SLIT2: variants seen among roughly 807,000 people sequenced by gnomAD.
SLIT2 encodes slit homolog 2 protein.
SLIT2 carries 41 observed loss-of-function variants against 185.7 expected under a neutral mutation model. That is an observed-to-expected ratio of 0.22 (90% CI 0.17 to 0.29). SLIT2 has a LOEUF of 0.29. SLIT2 is among the 10% of genes least tolerant of loss of function. SLIT2 has a pLI of 1.00. For synonymous variants in SLIT2, 693 were observed against 680.2 expected (o/e 1.02, Z -0.29); for missense variants, 1,571 against 1,909.0 (o/e 0.82, Z 3.30).
rs184740872 is a variant in SLIT2 at position 20,358,919 on chromosome 4, A to T, written c.395+90038A>T. 3.3e-5 allele frequency among the ~76,000 whole-genome samples: 5 copies of T among 152,272 alleles called. No homozygotes were observed. The South Asian group carries it at 1.0e-3, about 32-fold the overall frequency. ...AACAACAACAACATCAACTAGATAC[A>T]AAGTTTCTGTAAAATTCGGACAATC... On this transcript the variant is annotated intron_variant, in intron 4 of 36. Transcript: ENST00000504154.
chr4:20,617,332 T>A, intron 35 of SLIT2, 107 bp from the exon 36 acceptor site: 2 of 1,362,458 alleles, frequency 1.5e-6, no homozygotes, highest in South Asian at 1.3e-5. Flanking sequence ...GCATTAGCAC[T>A]CTGTCCCTCA....
rs1174795276 is a variant in SLIT2 at position 20,617,090 on chromosome 4, A to G, written c.4028A>G (p.His1343Arg). The G allele has an allele frequency of 3.1e-6, 5 of 1,613,784 alleles. No homozygotes were observed. The highest frequency in any genetic ancestry group is 3.3e-4 in the Middle Eastern group (2 of 6,084). ...CEPCHKKVCA[H>R]GTCQPSSQAG... Reference sequence around the variant, plus strand: ...CCATGCCACAAGAAGGTGTGTGCCCATGGCACATGCCAGCCCAGCAGCCAG... The same window carrying G: ...CCATGCCACAAGAAGGTGTGTGCCCGTGGCACATGCCAGCCCAGCAGCCAG... Residue 1343 changes from histidine (H) to arginine (R), a missense_variant, in exon 35 of 37, where the codon CAT becomes CGT. His to Arg is a conservative substitution (Grantham distance 29). This residue lies in a region of SLIT2 where 223 missense variants were observed against 245.2 expected (regional missense o/e 0.91). Coordinates refer to ENST00000504154, the MANE Select transcript of SLIT2 (RefSeq NM_004787.4).
chr4:20,518,579 A>G (rs1328075689), intron 11 of SLIT2, among the ~76,000 whole-genome samples: 1 of 23,326 alleles, frequency 4.3e-5, no homozygotes, highest in South Asian at 2.9e-3. Context: ...ATATATATAT[A>G]TATATATATT....
At chr4:20,323,360 T>C (rs901424013) in intron 4 of SLIT2, among the ~76,000 whole-genome samples, 1 of 152,208 alleles carries the variant, frequency 6.6e-6, no homozygotes, top group African/African-American at 2.4e-5. Context: ...TTTAAAGGAT[T>C]GGAAACAATG....
intron 34 of SLIT2, among the ~76,000 whole-genome samples, chr4:20,614,393 TG>T (rs1465568594): frequency 6.6e-6 from 1 of 152,174 alleles, no homozygotes; most frequent in Non-Finnish European, 1.5e-5. Context: ...AAAAGCTGTT[TG>T]CTAAGTTATC....
intron 17 of SLIT2, among the ~76,000 whole-genome samples, chr4:20,532,759 T>C (rs1553827471): frequency 6.6e-6 from 1 of 152,234 alleles, no homozygotes; most frequent in Non-Finnish European, 1.5e-5. Context: ...ACAGATGGCA[T>C]CCATATTAGC....
Position 20,548,495 on chromosome 4 carries a change from A to T in SLIT2, c.2353A>T (p.Ser785Cys). Residue 785 changes from serine to cysteine, a missense_variant, in exon 23 of 37, where the codon AGT becomes TGT. By Grantham distance (112) the Ser-to-Cys change is moderately radical (BLOSUM62 -1). Around this residue, in one of 3 missense-constraint regions of SLIT2, gnomAD observed 1,202 missense variants for 1,416.4 expected, o/e 0.85. Coordinates refer to ENST00000504154, the MANE Select transcript of SLIT2 (RefSeq NM_004787.4). ...TTTCTTTTTCTCTTTTAGAGACTTA[A>T]GTAACAACAGAATAAGCACGCTTTC... ...NYKHLTLIDL[S>C]NNRISTLSNQ... is the part of the protein sequence containing the mutation. 6.3e-7 allele frequency: 1 copy of T among 1,580,894 alleles called. No individual in the cohort carries two copies. Among genetic ancestry groups the T allele is most frequent in the Non-Finnish European group, 8.7e-7 (1 of 1,150,152 alleles).
intron 26 of SLIT2, among the ~76,000 whole-genome samples, chr4:20,562,728 G>T (rs1724797716): frequency 1.3e-5 from 2 of 151,848 alleles, no homozygotes; most frequent in Admixed American, 6.6e-5. Context: ...ATGCCATAAT[G>T]TAATTGCAAG....
chr4:20,335,760 A>C (rs952665591), intron 4 of SLIT2, among the ~76,000 whole-genome samples: 22 of 152,140 alleles, frequency 1.4e-4, no homozygotes, highest in Admixed American at 1.4e-3. Context: ...ATGGGGCTAT[A>C]ACCATCAGAT....
chr4:20,489,116 TC>T, intron 8 of SLIT2, 134 bp downstream of exon 8: 1 of 549,162 alleles, frequency 1.8e-6, no homozygotes, highest in Non-Finnish European at 3.0e-6. Flanking sequence ...TCTACAGAGA[TC>T]CTCTTTTTCA....
At chr4:20,256,458 T>C (rs1316197099) in intron 1 of SLIT2, among the ~76,000 whole-genome samples, 4 of 152,190 alleles carry the variant, frequency 2.6e-5, no homozygotes, top group African/African-American at 9.7e-5. Context: ...ACCACTTCAT[T>C]TTCTTGTCAT....
Position 20,520,695 on chromosome 4 carries a change from G to A in SLIT2, c.1130+1242G>A, listed in dbSNP as rs571686755. On this transcript the variant is annotated intron_variant, in intron 12 of 36. Transcript: ENST00000504154. ...GAAATGTATTTTACATTACACCTTA[G>A]CACACACACACCCAAACAAATGAAA... Among the ~76,000 whole-genome samples, 18 of 151,868 alleles carry A rather than the reference G, an allele frequency of 1.2e-4. No homozygotes were observed. In the South Asian group the frequency reaches 3.7e-3, roughly 32 times the overall value.
chr4:20,442,311 A>C (rs1729813273), intron 4 of SLIT2, among the ~76,000 whole-genome samples: 1 of 152,098 alleles, frequency 6.6e-6, no homozygotes, highest in South Asian at 2.1e-4. Flanking sequence ...TGAGGTCAGG[A>C]GATCGAGACC....
chr4:20,557,633 A>G (rs914252447), intron 26 of SLIT2, among the ~76,000 whole-genome samples: 1 of 152,076 alleles, frequency 6.6e-6, no homozygotes, highest in Non-Finnish European at 1.5e-5. Flanking sequence ...TGCTGATGCA[A>G]TATCCATTCT....
chr4:20,472,285 TAG>T (rs1362144409), intron 5 of SLIT2, among the ~76,000 whole-genome samples: 322 of 17,584 alleles, frequency 0.018, 23 homozygotes, highest in African/African-American at 0.05. Flanking sequence ...TCTATATATA[TAG>T]ATATATAGAT....
chr4:20,475,865 T>C (rs1240303104), intron 5 of SLIT2, among the ~76,000 whole-genome samples: 3 of 152,146 alleles, frequency 2.0e-5, no homozygotes, highest in African/African-American at 7.2e-5. Context: ...TCCCCCCAAA[T>C]TGACAAACAT....
intron 34 of SLIT2, chr4:20,615,217 G>A (rs555746486): frequency 2.0e-5 from 3 of 152,184 alleles, no homozygotes; most frequent in Non-Finnish European, 4.4e-5. Context: ...GGAATTTTCT[G>A]TCACCAGTCC....
chr4:20,376,852 A>G (rs1240099658), intron 4 of SLIT2, among the ~76,000 whole-genome samples: 1 of 152,078 alleles, frequency 6.6e-6, no homozygotes, highest in Middle Eastern at 3.2e-3. Context: ...GGCGGGGAAC[A>G]TCACACACCA....
chr4:20,413,421 T>A (rs1265309436), intron 4 of SLIT2, among the ~76,000 whole-genome samples: 1 of 152,120 alleles, frequency 6.6e-6, no homozygotes, highest in Non-Finnish European at 1.5e-5. Flanking sequence ...TTTTTATTGC[T>A]GTTGCGTAAA....
Sources: allele counts gnomAD v4.1 joint callset (sites outside exome capture counted in the v4.1 genomes callset), GRCh38; gene constraint gnomAD v4.1.1; regional missense constraint gnomAD v4.1.1; transcripts MANE v1.5; gene names NCBI Gene and HGNC (gene_info 2026-07-23, HGNC 2026-07-21).